FRMPD4: variants seen among roughly 807,000 people sequenced by gnomAD.
FRMPD4 encodes FERM and PDZ domain-containing protein 4.
Under a neutral mutation model 94.1 loss-of-function variants are expected in FRMPD4, and 22 were observed. That is an observed-to-expected ratio of 0.23 (90% CI 0.17 to 0.33). FRMPD4 has a LOEUF of 0.33. FRMPD4 is among the 10% of genes least tolerant of loss of function. The pLI is 1.00. For missense variants in FRMPD4, 1,111 were observed against 1,339.9 expected, an observed-to-expected ratio of 0.83 and a Z score of 2.67; for synonymous variants, 631 against 548.6, an observed-to-expected ratio of 1.15 and a Z score of -2.10.
intron 1 of FRMPD4, among the ~76,000 whole-genome samples, chrX:12,372,101 C>T (rs1443697415): frequency 1.8e-5 from 2 of 112,299 alleles, no homozygotes; most frequent in Non-Finnish European, 3.8e-5. Flanking sequence ...CAGCCCTGCT[C>T]CTCTGCAGAG....
At chrX:12,632,865 C>T (rs993031651) in intron 4 of FRMPD4, among the ~76,000 whole-genome samples, 9 of 111,977 alleles carry the variant, frequency 8.0e-5, no homozygotes, top group African/African-American at 2.6e-4. Flanking sequence ...AAGAAAGATA[C>T]AAAAAAAGGA....
chrX:11,972,376 C>T, intron 3 of FRMPD4, among the ~76,000 whole-genome samples: 1 of 112,060 alleles, frequency 8.9e-6, no homozygotes, highest in East Asian at 2.8e-4. Context: ...CATGCACTCA[C>T]TCTAGCTAGG....
intron 1 of FRMPD4, among the ~76,000 whole-genome samples, chrX:11,835,340 G>A (rs935005214): frequency 9.8e-5 from 11 of 112,059 alleles, no homozygotes; most frequent in African/African-American, 2.6e-4. Flanking sequence ...TAGCTCAAAC[G>A]CATTTTTCTA....
intron 2 of FRMPD4, among the ~76,000 whole-genome samples, chrX:12,539,264 G>T (rs1164490488): frequency 8.1e-5 from 9 of 111,776 alleles, no homozygotes; most frequent in Non-Finnish European, 1.5e-4. Context: ...AACGAACAAA[G>T]CCTCCAAGAA....
intron 1 of FRMPD4, among the ~76,000 whole-genome samples, chrX:12,266,805 C>T (rs1197180975): frequency 1.8e-5 from 2 of 112,073 alleles, no homozygotes; most frequent in African/African-American, 6.5e-5. Context: ...ATTGTATATT[C>T]AGAGTAGCCT....
chrX:11,868,777 C>A (rs1266547107), intron 2 of FRMPD4, among the ~76,000 whole-genome samples: 8 of 112,429 alleles, frequency 7.1e-5, no homozygotes, highest in Non-Finnish European at 1.1e-4. Context: ...TTTGGTAAAC[C>A]ATGACCCACA....
chrX:12,459,745 C>T (rs193205090), intron 1 of FRMPD4, among the ~76,000 whole-genome samples: 4 of 111,697 alleles, frequency 3.6e-5, no homozygotes, highest in Admixed American at 1.9e-4. Context: ...TTATGCATAT[C>T]GCTGCTATGA....
chrX:12,103,578 T>C (rs1195291321), intron 3 of FRMPD4, among the ~76,000 whole-genome samples: 1 of 112,003 alleles, frequency 8.9e-6, no homozygotes, highest in South Asian at 3.7e-4. Context: ...GGTGTGGCTG[T>C]ATTCCAATAA....
Position 12,180,371 on chromosome X carries a change from A to G in FRMPD4, c.41+41359A>G, listed in dbSNP as rs181394545. ...TTTCTTGTCTAATTAAGAATAAAAC[A>G]GGTAATGCTAGTTTTAGATCCTCAT... On this transcript the variant is annotated intron_variant, in intron 1 of 16. Transcript: ENST00000675598. Among the ~76,000 whole-genome samples, 81 of 111,770 alleles carry G rather than the reference A, an allele frequency of 7.2e-4. 1 individual carries two copies. The highest frequency in any genetic ancestry group is 2.6e-3 in the African/African-American group (79 of 30,819).
intron 2 of FRMPD4, among the ~76,000 whole-genome samples, chrX:12,593,508 A>G (rs749814707): frequency 2.1e-4 from 24 of 111,943 alleles, no homozygotes; most frequent in Non-Finnish European, 4.1e-4. Flanking sequence ...TCTTTTTTAA[A>G]AATAATTCCT....
At chrX:12,578,080 A>T (rs1301427645) in intron 2 of FRMPD4, among the ~76,000 whole-genome samples, 1 of 112,477 alleles carries the variant, frequency 8.9e-6, no homozygotes, top group Non-Finnish European at 1.9e-5. Flanking sequence ...GTCTCTTCTT[A>T]TAAGGGCACT....
At chrX:12,491,347 C>T (rs1697907325) in intron 1 of FRMPD4, among the ~76,000 whole-genome samples, 1 of 112,361 alleles carries the variant, frequency 8.9e-6, no homozygotes, top group South Asian at 3.7e-4. Context: ...ACCCATTCTT[C>T]CAGACTGTTT....
chrX:11,901,622 T>G (rs1012497083), intron 3 of FRMPD4, among the ~76,000 whole-genome samples: 2 of 112,387 alleles, frequency 1.8e-5, no homozygotes, highest in Non-Finnish European at 3.8e-5. Flanking sequence ...GTAGTGGGAC[T>G]GCTGGATCGA....
chrX:12,032,845 G>A (rs2054699918), intron 3 of FRMPD4, among the ~76,000 whole-genome samples: 1 of 112,307 alleles, frequency 8.9e-6, no homozygotes, highest in African/African-American at 3.2e-5. Flanking sequence ...AGAACTTCTT[G>A]CTTCTCTGGG....
intron 3 of FRMPD4, among the ~76,000 whole-genome samples, chrX:11,880,800 A>G (rs1298840442): frequency 9.0e-6 from 1 of 111,015 alleles, no homozygotes; most frequent in Admixed American, 9.6e-5. Flanking sequence ...GCACCACCAC[A>G]CCTGGCTAAT....
chrX:12,587,177 A>G (rs1331839573), intron 2 of FRMPD4, among the ~76,000 whole-genome samples: 1 of 110,570 alleles, frequency 9.0e-6, no homozygotes, highest in African/African-American at 3.3e-5. Context: ...GGGTTTCACC[A>G]TATTGGCCAG....
chrX:12,332,199 T>TAG (rs2055437095), intron 1 of FRMPD4, among the ~76,000 whole-genome samples: 1 of 67,680 alleles, frequency 1.5e-5, no homozygotes, highest in East Asian at 3.5e-4. Flanking sequence ...TTTATATATA[T>TAG]ATATATATAG....
In FRMPD4 at chrX:12,138,646, A is replaced by C. The variant is rs1201560232; in HGVS notation, c.-326A>C. On this transcript the variant is annotated 5_prime_UTR_variant, in exon 1 of 17. Transcript: ENST00000675598. ...GACGCCCGGCAGTCCCCGGGGCTAG[A>C]GCGCACGGGGCGGGGCGCGAGACCC... 3.4e-6 allele frequency: 1 copy of C among 292,700 alleles called. No individual in the cohort carries two copies. 24.1% of individuals were successfully genotyped at this position (292,700 alleles called of 1,213,427 possible).
chrX:12,234,491 G>A (rs907735272), intron 1 of FRMPD4, among the ~76,000 whole-genome samples: 5 of 110,970 alleles, frequency 4.5e-5, no homozygotes, highest in Non-Finnish European at 9.4e-5. Flanking sequence ...GCAGCAGGTC[G>A]TTGAACATTT....
Sources: allele counts gnomAD v4.1 joint callset (sites outside exome capture counted in the v4.1 genomes callset), GRCh38; gene constraint gnomAD v4.1.1; transcripts MANE v1.5; gene names NCBI Gene and HGNC (gene_info 2026-07-23, HGNC 2026-07-21).